TNPO3: variants seen among roughly 807,000 people sequenced by gnomAD.
TNPO3 encodes the protein transportin-3.
Under a neutral mutation model 122.8 loss-of-function variants are expected in TNPO3, and 65 were observed. That is an observed-to-expected ratio of 0.53 (90% CI 0.43 to 0.65). The LOEUF is 0.65. Ranked by LOEUF, TNPO3 falls within the 30% of genes least tolerant of loss-of-function variation. The pLI, the probability that TNPO3 is intolerant of heterozygous loss-of-function variation, is 0.00. For synonymous variants in TNPO3, 372 were observed against 411.2 expected (o/e 0.90, Z 1.15); for missense variants, 850 against 1,136.7 (o/e 0.75, Z 3.63).
At position 128,975,855 on chromosome 7, in the gene TNPO3, T is replaced by G; in HGVS notation, c.2142A>C (p.Glu714Asp). 6.2e-7 allele frequency: 1 copy of G among 1,614,024 alleles called. No individual in the cohort carries two copies. Among genetic ancestry groups the G allele is most frequent in the Non-Finnish European group, 8.5e-7 (1 of 1,179,912 alleles). Residue 714 changes from glutamate to aspartate, a missense_variant, in exon 17 of 23, where the codon GAA becomes GAC. Glu to Asp is a conservative substitution (Grantham distance 45). Transcript: ENST00000265388. ...GSILVDEYGM[E>D]EGCRQGLLDM... Reference sequence around the variant, plus strand: ...CTAGCAGTCCCTGCCGACAGCCTTCTTCCATGCCATATTCATCCACAAGGA... The same window carrying G: ...CTAGCAGTCCCTGCCGACAGCCTTCGTCCATGCCATATTCATCCACAAGGA...
At chr7:128,956,109 G>A (rs1000771421) in intron 22 of TNPO3, among the ~76,000 whole-genome samples, 2 of 152,220 alleles carry the variant, frequency 1.3e-5, no homozygotes, top group Non-Finnish European at 2.9e-5. Context: ...CTTATGAGGT[G>A]TATCAATGTC....
rs570238320 is a variant in TNPO3 at position 128,968,176 on chromosome 7, T to C, written c.2599-784A>G. On this transcript the variant is annotated intron_variant, in intron 20 of 22. Transcript: ENST00000265388. ...GCCACCATGTCAGAAAGTATACATATGAGACATATGAGTCCAGAATCTTAA... is the reference window on the plus strand; with the variant it reads ...GCCACCATGTCAGAAAGTATACATACGAGACATATGAGTCCAGAATCTTAA... Among the ~76,000 whole-genome samples, 17 of 152,356 alleles carry C rather than the reference T, an allele frequency of 1.1e-4. No homozygotes were observed. In the South Asian group the frequency reaches 1.9e-3, roughly 17 times the overall value.
At chr7:129,042,647 T>C (rs913152391) in intron 1 of TNPO3, among the ~76,000 whole-genome samples, 65 of 152,298 alleles carry the variant, frequency 4.3e-4, no homozygotes, top group African/African-American at 1.5e-3. Context: ...AACAAATTAC[T>C]TCTTGATAAT....
intron 1 of TNPO3, among the ~76,000 whole-genome samples, chr7:129,025,392 A>C (rs894221508): frequency 3.9e-5 from 5 of 127,016 alleles, no homozygotes; most frequent in African/African-American, 1.4e-4. Flanking sequence ...AAAAAAAAAA[A>C]AAAAACCAGC....
chr7:129,005,661 A>G (rs879443565), intron 4 of TNPO3, among the ~76,000 whole-genome samples: 3 of 150,670 alleles, frequency 2.0e-5, no homozygotes, highest in Non-Finnish European at 4.4e-5. Context: ...ACCTTCCCCC[A>G]TGATTGTTAA....
rs1799446053 is a variant in TNPO3, at chr7:128,979,769, C to A, written c.1920+202G>T. On this transcript the variant is annotated intron_variant, in intron 15 of 22. Transcript: ENST00000265388. ...CTACCACTTCTCTGGTCTTTCAAGGCATTCCCTTGCAGCCTGTTTTGTTAT... is the reference window on the plus strand; with the variant it reads ...CTACCACTTCTCTGGTCTTTCAAGGAATTCCCTTGCAGCCTGTTTTGTTAT... Among the ~76,000 whole-genome samples, 2 of 152,152 alleles carry A rather than the reference C, an allele frequency of 1.3e-5. 1 individual carries two copies. The highest frequency in any genetic ancestry group is 4.1e-4 in the South Asian group (2 of 4,828).
intron 21 of TNPO3, among the ~76,000 whole-genome samples, chr7:128,958,800 C>T (rs1361888558): frequency 6.6e-6 from 1 of 152,172 alleles, no homozygotes; most frequent in Admixed American, 6.5e-5. Context: ...GGCACAGTGG[C>T]TCATGCTTGT....
At chr7:128,989,008 T>C (rs1296791994) in intron 11 of TNPO3, among the ~76,000 whole-genome samples, 3 of 151,788 alleles carry the variant, frequency 2.0e-5, no homozygotes, top group Admixed American at 1.3e-4. Flanking sequence ...ACCTAGGAGG[T>C]GGAGGTTGCA....
rs761914405 is a variant in TNPO3 at position 128,975,928 on chromosome 7, T to C, written c.2069A>G (p.Asn690Ser). The change falls in exon 17 of 23, where the codon AAT (asparagine) becomes AGT (serine). Residue 690 changes from asparagine (N) to serine (S), a missense_variant. Coordinates refer to ENST00000265388, the MANE Select transcript of TNPO3 (RefSeq NM_012470.4). Reference protein sequence around the residue: ...LLQPLVTQMVNVYHVHQHSCF... With the variant: ...LLQPLVTQMVSVYHVHQHSCF... ...GGAATGCTGATGTACGTGGTACACATTCACCATCTGTTGAGGGAAAAAACA... is the reference window on the plus strand; with the variant it reads ...GGAATGCTGATGTACGTGGTACACACTCACCATCTGTTGAGGGAAAAAACA... 9.9e-6 allele frequency: 16 copies of C among 1,610,250 alleles called. No homozygotes were observed. The highest frequency in any genetic ancestry group is 1.3e-5 in the Non-Finnish European group (15 of 1,176,638).
chr7:129,018,994 C>T (rs1318006738), intron 1 of TNPO3, among the ~76,000 whole-genome samples: 1 of 152,236 alleles, frequency 6.6e-6, no homozygotes, highest in Non-Finnish European at 1.5e-5. Context: ...GCTGGGATTA[C>T]AGGCATGAGC....
intron 9 of TNPO3, 46 bp from the exon 10 acceptor site, chr7:128,992,136 A>G: frequency 8.7e-7 from 1 of 1,155,772 alleles, no homozygotes; most frequent in South Asian, 1.4e-5. Flanking sequence ...AGGAAAACAG[A>G]ATGCCAAAAC....
intron 21 of TNPO3, among the ~76,000 whole-genome samples, chr7:128,961,898 C>A (rs910914460): frequency 6.6e-6 from 1 of 152,138 alleles, no homozygotes; most frequent in African/African-American, 2.4e-5. Flanking sequence ...GAGCCCCAGG[C>A]AAGTGACAAG....
intron 1 of TNPO3, among the ~76,000 whole-genome samples, chr7:129,043,512 A>G (rs914305853): frequency 1.3e-5 from 2 of 152,242 alleles, no homozygotes; most frequent in Non-Finnish European, 2.9e-5. Context: ...AGAAGTTCTG[A>G]GACAAGCATT....
chr7:129,009,582 G>A (rs914005797), intron 4 of TNPO3, among the ~76,000 whole-genome samples: 1 of 152,216 alleles, frequency 6.6e-6, no homozygotes, highest in African/African-American at 2.4e-5. Context: ...GTCATGATGT[G>A]CTAAGTCAGG....
At chr7:128,956,751 C>T (rs12539741) in intron 22 of TNPO3, among the ~76,000 whole-genome samples, 13,720 of 152,240 alleles carry the variant, frequency 0.09, 857 homozygotes, top group South Asian at 0.15. Context: ...CTGGTCAAAA[C>T]CTGGCACTTC....
Position 128,991,983 on chromosome 7 carries a change from C to T in TNPO3, c.1358+16G>A, listed in dbSNP as rs375719025. 2.9e-5 allele frequency: 45 copies of T among 1,559,304 alleles called. No individual in the cohort carries two copies. The African/African-American group carries it at 5.9e-4, about 21-fold the overall frequency. On this transcript the variant is annotated intron_variant, in intron 10 of 22. Transcript: ENST00000265388. ...GATATTTAGAGTTCCCAGCAAAAGA[C>T]TTATGAGACACTCACGGATCAACAC...
rs369060707 is a variant in TNPO3, at chr7:128,957,460, G to A, written c.2712-145C>T. 16 of 800,726 alleles carry A rather than the reference G, an allele frequency of 2.0e-5. No individual in the cohort carries two copies. In the South Asian group the frequency reaches 2.4e-4, roughly 12 times the overall value. 49.6% of individuals were successfully genotyped at this position (800,726 alleles called of 1,614,324 possible). On this transcript the variant is annotated intron_variant, in intron 21 of 22. Transcript: ENST00000265388. Reference sequence around the variant, plus strand: ...CGTCTCCTGAGCGATCCTGGCTTCAGATCTTTCTGTAATTCAGGGCAAAAA... The same window carrying A: ...CGTCTCCTGAGCGATCCTGGCTTCAAATCTTTCTGTAATTCAGGGCAAAAA...
chr7:128,993,764 A>G (rs1240882130), intron 9 of TNPO3, 43 bp downstream of exon 9: 1 of 1,501,070 alleles, frequency 6.7e-7, no homozygotes, highest in African/African-American at 1.4e-5. Context: ...GAATACAATT[A>G]AGGTGACTAG....
In TNPO3 at chr7:129,015,023, T is replaced by TA. The variant is rs1165455819; in HGVS notation, c.507dup (p.Ile170TyrfsTer9). ...CTAGAGTAGAAGGCCAAATCTTCTA[T>TA]AATTTCTGTGCGCCGATTAGCTCCA... On this transcript the variant is annotated frameshift_variant, in exon 4 of 23. Coordinates refer to ENST00000265388, the MANE Select transcript of TNPO3 (RefSeq NM_012470.4). LOFTEE classifies it high-confidence loss of function. 1 of 1,612,706 alleles carries TA rather than the reference T, an allele frequency of 6.2e-7. No homozygotes were observed. Among genetic ancestry groups the TA allele is most frequent in the Non-Finnish European group, 8.5e-7 (1 of 1,179,822 alleles).
Sources: gnomAD v4.1 joint callset for allele counts (sites outside exome capture counted in the v4.1 genomes callset) on GRCh38, gnomAD v4.1.1 for gene constraint, MANE v1.5 for transcripts, NCBI Gene and HGNC (gene_info 2026-07-23, HGNC 2026-07-21) for gene names.